The following GALNT18 variants were observed in gnomAD, a reference collection of about 807,000 sequenced individuals.
GALNT18 encodes GalNAc-transferase 18.
GALNT18 carries 44 observed loss-of-function variants against 69.5 expected under a neutral mutation model. The ratio of observed to expected loss-of-function variants is 0.63; its 90% CI spans 0.50 to 0.81. The LOEUF (loss-of-function observed/expected upper bound fraction) is 0.81, where lower values mean the gene tolerates loss of function less well. GALNT18 is among the 40% of genes least tolerant of loss of function. GALNT18 has a pLI of 0.00. For missense variants in GALNT18, 715 were observed against 810.0 expected, an observed-to-expected ratio of 0.88 and a Z score of 1.42; for synonymous variants, 364 against 318.2, an observed-to-expected ratio of 1.14 and a Z score of -1.53.
chr11:11,371,186 T>C (rs1198254775), intron 6 of GALNT18, among the ~76,000 whole-genome samples: 3 of 152,344 alleles, frequency 2.0e-5, no homozygotes, highest in Middle Eastern at 3.4e-3. Context: ...TAGCATTAAG[T>C]CTGGGTGGTG....
chr11:11,572,155 G>A (rs1858807480), intron 1 of GALNT18, among the ~76,000 whole-genome samples: 1 of 152,204 alleles, frequency 6.6e-6, no homozygotes, highest in African/African-American at 2.4e-5. Flanking sequence ...GTAGTGGTGT[G>A]GATGCTGTTG....
intron 6 of GALNT18, chr11:11,352,186 G>A (rs777662164): frequency 4.3e-5 from 69 of 1,613,706 alleles, no homozygotes; most frequent in African/African-American, 1.3e-4. Context: ...GCAGTAAGCC[G>A]TGACTGGTGG....
At position 11,621,310 on chromosome 11, in the gene GALNT18, G is replaced by T. The variant is rs188647030; in HGVS notation, c.235+49C>A. Reference sequence around the variant, plus strand: ...GCCCCAGCGCACCCCGCGCCGCGCGGGGCACTCCCGGGCCTCATGGGCGAC... The same window carrying T: ...GCCCCAGCGCACCCCGCGCCGCGCGTGGCACTCCCGGGCCTCATGGGCGAC... On this transcript the variant is annotated intron_variant, in intron 1 of 10. Transcript: ENST00000227756. This position sits in a 1 kb window ranked among gnomAD's most constrained non-coding sequence, Gnocchi z 9.3. 19 of 1,517,068 alleles carry T rather than the reference G, an allele frequency of 1.3e-5. No homozygotes were observed. In the Admixed American group the frequency reaches 2.2e-4, roughly 18 times the overall value. The allele number at this position is 1,517,068 out of a possible 1,614,324, so 94.0% of individuals were successfully genotyped here.
At chr11:11,284,284 A>C (rs568725609) in intron 10 of GALNT18, among the ~76,000 whole-genome samples, 3 of 152,348 alleles carry the variant, frequency 2.0e-5, no homozygotes, top group African/African-American at 7.2e-5. Context: ...CGTGTGGTAC[A>C]GACTGACTGG....
At chr11:11,412,252 T>C (rs1409015764) in intron 3 of GALNT18, among the ~76,000 whole-genome samples, 1 of 152,210 alleles carries the variant, frequency 6.6e-6, no homozygotes, top group Non-Finnish European at 1.5e-5. Flanking sequence ...TTGCATTCTC[T>C]GGTCTGACCT....
At chr11:11,408,364 CAAAAAAAAAAAAAA>C (rs57957956) in intron 3 of GALNT18, among the ~76,000 whole-genome samples, 1 of 70,900 alleles carries the variant, frequency 1.4e-5, no homozygotes, top group Non-Finnish European at 2.9e-5. Flanking sequence ...GACTTCATCT[CAAAAAAAAAAAAAA>C]AAAAAAAAAA....
At chr11:11,501,063 C>G (rs988144531) in intron 1 of GALNT18, among the ~76,000 whole-genome samples, 1 of 152,222 alleles carries the variant, frequency 6.6e-6, no homozygotes, top group Non-Finnish European at 1.5e-5. Flanking sequence ...GAGACGCCCT[C>G]TCGTTTCCAC....
At chr11:11,416,349 A>T (rs1854856484) in intron 3 of GALNT18, among the ~76,000 whole-genome samples, 1 of 152,120 alleles carries the variant, frequency 6.6e-6, no homozygotes, top group South Asian at 2.1e-4. Flanking sequence ...GCACCTCCTG[A>T]TCTCATCAGC....
In GALNT18 at chr11:11,543,446, G is replaced by T. The variant is rs567395741; in HGVS notation, c.235+77913C>A. On this transcript the variant is annotated intron_variant, in intron 1 of 10. Transcript: ENST00000227756. This position sits in a 1 kb window ranked among gnomAD's most constrained non-coding sequence, Gnocchi z 5.1. The stretch of plus-strand genomic sequence containing the variant: ...CTGGATATGCCACCCATTTTAGGTC[G>T]GGGATGTCCCTTCTCTGCTACCCTG... 6.6e-6 allele frequency among the ~76,000 whole-genome samples: 1 copy of T among 152,136 alleles called. No homozygotes were observed. The highest frequency in any genetic ancestry group is 1.5e-5 in the Non-Finnish European group (1 of 68,034).
intron 1 of GALNT18, among the ~76,000 whole-genome samples, chr11:11,474,201 G>C (rs1222499168): frequency 1.3e-5 from 2 of 152,248 alleles, no homozygotes; most frequent in East Asian, 3.8e-4. Flanking sequence ...TTTAGATAGA[G>C]TGGTCAACAC....
intron 5 of GALNT18, among the ~76,000 whole-genome samples, chr11:11,373,829 C>T (rs1227810738): frequency 6.6e-6 from 1 of 152,242 alleles, no homozygotes; most frequent in Non-Finnish European, 1.5e-5. Context: ...TGTTCTACTG[C>T]TTATTGCTAC....
At chr11:11,322,234 T>C (rs947274198) in intron 9 of GALNT18, among the ~76,000 whole-genome samples, 12 of 152,230 alleles carry the variant, frequency 7.9e-5, no homozygotes, top group Admixed American at 2.0e-4. Flanking sequence ...TGCCAAGATT[T>C]TACAACTAGA....
rs1367806229 is a variant in GALNT18, at chr11:11,601,924, G to T, written c.235+19435C>A. Among the ~76,000 whole-genome samples, 1 of 152,182 alleles carries T rather than the reference G, an allele frequency of 6.6e-6. No homozygotes were observed. The highest frequency in any genetic ancestry group is 6.5e-5 in the Admixed American group (1 of 15,278). ...CAACAGCATTACTGTGTTGATAGGA[G>T]AACTTACTGTGCTAGGTCGTCTAGC... On this transcript the variant is annotated intron_variant, in intron 1 of 10. Transcript: ENST00000227756. This position sits in a 1 kb window ranked among gnomAD's most constrained non-coding sequence, Gnocchi z 4.0.
intron 1 of GALNT18, among the ~76,000 whole-genome samples, chr11:11,576,096 G>A (rs898873576): frequency 5.3e-5 from 8 of 152,164 alleles, no homozygotes; most frequent in Non-Finnish European, 1.2e-4. Flanking sequence ...GCTACCTATT[G>A]TACATTTGTT....
rs573899897 is a variant in GALNT18, at chr11:11,459,373, C to T, written c.236-10437G>A. Among the ~76,000 whole-genome samples the T allele has an allele frequency of 2.6e-5, 4 of 152,278 alleles. No individual in the cohort carries two copies. The highest frequency in any genetic ancestry group is 4.8e-5 in the African/African-American group (2 of 41,562). ...TCTCAGGTCCAACACCATTAAAATC[C>T]TCTGTGCGAGGACTTTATTCAGCAT... On this transcript the variant is annotated intron_variant, in intron 1 of 10. Transcript: ENST00000227756. The surrounding 1 kb of genome is among the most constrained non-coding windows in gnomAD (Gnocchi z 5.0).
intron 10 of GALNT18, among the ~76,000 whole-genome samples, chr11:11,278,238 G>A (rs1385532317): frequency 6.6e-6 from 1 of 151,710 alleles, no homozygotes; most frequent in African/African-American, 2.4e-5. Context: ...CACCTTTAAT[G>A]TTAGACAGAT....
chr11:11,302,825 G>T (rs1486920572), intron 9 of GALNT18, among the ~76,000 whole-genome samples: 1 of 152,210 alleles, frequency 6.6e-6, no homozygotes, highest in African/African-American at 2.4e-5. Context: ...GCCTTAAAAG[G>T]CAGAGAGACT....
In GALNT18 at chr11:11,603,889, A is replaced by G. The variant is rs1212649836; in HGVS notation, c.235+17470T>C. Among the ~76,000 whole-genome samples, 4 of 152,220 alleles carry G rather than the reference A, an allele frequency of 2.6e-5. No homozygotes were observed. The highest frequency in any genetic ancestry group is 2.9e-5 in the Non-Finnish European group (2 of 68,038). ...TCTAAATGTCTGTATCCCTTCCCCAAATCCATATGTTGAAATCCTAACCCC... is the reference window on the plus strand; with the variant it reads ...TCTAAATGTCTGTATCCCTTCCCCAGATCCATATGTTGAAATCCTAACCCC... On this transcript the variant is annotated intron_variant, in intron 1 of 10. Coordinates refer to ENST00000227756, the MANE Select transcript of GALNT18 (RefSeq NM_198516.3). The surrounding 1 kb of genome is among the most constrained non-coding windows in gnomAD (Gnocchi z 4.5).
At chr11:11,536,241 C>T (rs1857770298) in intron 1 of GALNT18, among the ~76,000 whole-genome samples, 1 of 152,164 alleles carries the variant, frequency 6.6e-6, no homozygotes. Context: ...GTATACATTT[C>T]CTCACTGAAC....
Sources: allele counts gnomAD v4.1 joint callset (sites outside exome capture counted in the v4.1 genomes callset), GRCh38; gene constraint gnomAD v4.1.1; non-coding constraint Gnocchi (gnomAD v3.1); transcripts MANE v1.5; gene names NCBI Gene and HGNC (gene_info 2026-07-23, HGNC 2026-07-21).